The following PDE11A variants were observed in gnomAD, a reference collection of about 807,000 sequenced individuals.
PDE11A encodes the protein phosphodiesterase 11A.
PDE11A carries 100 observed loss-of-function variants against 100.5 expected under a neutral mutation model. The ratio of observed to expected loss-of-function variants is 1.00; its 90% CI spans 0.85 to 1.18. The LOEUF is 1.18. PDE11A is among the 50% of genes most tolerant of loss of function. PDE11A has a pLI of 0.00. For missense variants in PDE11A, 1,141 were observed against 1,152.6 expected, an observed-to-expected ratio of 0.99 and a Z score of 0.15; for synonymous variants, 381 against 420.8, an observed-to-expected ratio of 0.91 and a Z score of 1.16.
At position 178,071,623 on chromosome 2, in the gene PDE11A, G is replaced by A. The variant is rs1160170535; in HGVS notation, c.815C>T (p.Thr272Ile). ...GACCTGCACCTCATTTGAGTTCTCT[G>A]TGCTGCTGCAAGGCAGCAGAGGTGT... is the stretch of plus-strand genomic sequence containing the variant. ...AGTPLLPCSSTENSNEVQVPW... is the reference protein window; with the variant it reads ...AGTPLLPCSSIENSNEVQVPW... Residue 272 changes from threonine to isoleucine, a missense_variant, in exon 1 of 20, where the codon ACA becomes ATA. Coordinates refer to ENST00000286063, the MANE Select transcript of PDE11A (RefSeq NM_016953.4). 2.6e-5 allele frequency: 42 copies of A among 1,612,948 alleles called. No individual in the cohort carries two copies. Among genetic ancestry groups the A allele is most frequent in the Non-Finnish European group, 3.5e-5 (41 of 1,179,084 alleles).
chr2:177,642,572 A>G (rs960230503), intron 19 of PDE11A, among the ~76,000 whole-genome samples: 1 of 152,196 alleles, frequency 6.6e-6, no homozygotes, highest in Admixed American at 6.5e-5. Context: ...CCTACCCAAT[A>G]CACGTTTTAA....
In PDE11A at chr2:178,014,325, G is replaced by A; in HGVS notation, c.1048C>T (p.Pro350Ser). The change falls in exon 2 of 20, where the codon CCA (proline) becomes TCA (serine). Residue 350 changes from proline to serine, a missense_variant. By Grantham distance (74) the Pro-to-Ser change is moderately conservative. Transcript: ENST00000286063. The part of the protein sequence containing the change: ...QAINKIPEGA[P>S]FTEDDEKVMQ... ...ACTTTTTCATCATCTTCAGTAAATGGAGCTCCTTCAGGAATCTTATTTATC... is the reference window on the plus strand; with the variant it reads ...ACTTTTTCATCATCTTCAGTAAATGAAGCTCCTTCAGGAATCTTATTTATC... 6.2e-7 allele frequency: 1 copy of A among 1,613,100 alleles called. No individual in the cohort carries two copies. Among genetic ancestry groups the A allele is most frequent in the Non-Finnish European group, 8.5e-7 (1 of 1,179,196 alleles).
intron 9 of PDE11A, among the ~76,000 whole-genome samples, chr2:177,790,213 A>G (rs2082609367): frequency 6.8e-6 from 1 of 147,838 alleles, no homozygotes. Context: ...GGAACAGAAC[A>G]GAGCCCTCAG....
At chr2:177,680,619 C>T (rs1307213288) in intron 16 of PDE11A, among the ~76,000 whole-genome samples, 2 of 152,074 alleles carry the variant, frequency 1.3e-5, no homozygotes, top group East Asian at 1.9e-4. Context: ...ATTTTGATGG[C>T]AGATTTTTGA....
chr2:177,920,986 C>T lies in PDE11A; in HGVS notation c.1072-15799G>A, dbSNP rs923285526. On this transcript the variant is annotated intron_variant, in intron 2 of 19. Transcript: ENST00000286063. ...CTGAGGCAGGAGAATGGTGTGAACC[C>T]GGGAGGCAGAGCTTGCAGTGAGCCA... Among the ~76,000 whole-genome samples, 9 of 150,660 alleles carry T rather than the reference C, an allele frequency of 6.0e-5. No homozygotes were observed. In the East Asian group the frequency reaches 1.2e-3, roughly 20 times the overall value.
chr2:177,835,473 C>G (rs1459574404), intron 6 of PDE11A, among the ~76,000 whole-genome samples: 1 of 152,242 alleles, frequency 6.6e-6, no homozygotes, highest in Non-Finnish European at 1.5e-5. Flanking sequence ...AGACCTTAAA[C>G]TGCTTGGTCT....
intron 2 of PDE11A, among the ~76,000 whole-genome samples, chr2:177,951,163 T>C: frequency 6.6e-6 from 1 of 152,128 alleles, no homozygotes; most frequent in African/African-American, 2.4e-5. Flanking sequence ...TGAACAGAAA[T>C]AAAATGAGAA....
intron 6 of PDE11A, among the ~76,000 whole-genome samples, chr2:177,825,668 C>G (rs575018296): frequency 6.6e-6 from 1 of 152,186 alleles, no homozygotes; most frequent in Non-Finnish European, 1.5e-5. Context: ...GAGTAATAAG[C>G]AAGTATGAAG....
chr2:177,852,750 C>T (rs1473234326), intron 5 of PDE11A, among the ~76,000 whole-genome samples: 2 of 152,216 alleles, frequency 1.3e-5, no homozygotes, highest in East Asian at 3.9e-4. Flanking sequence ...GTGTAATTAA[C>T]AAGCAGAGCC....
At chr2:177,960,754 T>C (rs1399958312) in intron 2 of PDE11A, among the ~76,000 whole-genome samples, 9 of 152,122 alleles carry the variant, frequency 5.9e-5, no homozygotes, top group African/African-American at 2.2e-4. Flanking sequence ...TTAGAGAAAA[T>C]AGGTCTGCCC....
intron 5 of PDE11A, among the ~76,000 whole-genome samples, chr2:177,870,099 T>C (rs2084104815): frequency 6.6e-6 from 1 of 152,218 alleles, no homozygotes; most frequent in African/African-American, 2.4e-5. Context: ...CTGCCTTCAG[T>C]TGCATAACTT....
At chr2:177,832,146 C>G (rs900327263) in intron 6 of PDE11A, among the ~76,000 whole-genome samples, 1 of 152,068 alleles carries the variant, frequency 6.6e-6, no homozygotes, top group East Asian at 1.9e-4. Flanking sequence ...ATAGAAAAAC[C>G]CTGAAACTAG....
At chr2:177,892,398 AG>A (rs1417653987) in intron 4 of PDE11A, among the ~76,000 whole-genome samples, 3 of 152,230 alleles carry the variant, frequency 2.0e-5, no homozygotes, top group African/African-American at 7.2e-5. Context: ...ATTGAATACA[AG>A]ATAACTAATT....
chr2:177,718,854 C>T (rs1386326753), intron 12 of PDE11A, among the ~76,000 whole-genome samples: 1 of 152,178 alleles, frequency 6.6e-6, no homozygotes, highest in East Asian at 1.9e-4. Flanking sequence ...ACTGTCCCAG[C>T]TTGAAATGAA....
At chr2:178,031,746 T>C (rs1293176853) in intron 1 of PDE11A, among the ~76,000 whole-genome samples, 1 of 152,132 alleles carries the variant, frequency 6.6e-6, no homozygotes, top group Admixed American at 6.5e-5. Flanking sequence ...AACTGACCTA[T>C]AACTTCAGTG....
intron 15 of PDE11A, among the ~76,000 whole-genome samples, chr2:177,688,750 TA>T (rs1266469673): frequency 3.9e-5 from 6 of 152,210 alleles, no homozygotes; most frequent in Admixed American, 3.9e-4. Context: ...TAGCAGTCTT[TA>T]AAAAAGCATC....
Position 177,667,213 on chromosome 2 carries a change from T to G in PDE11A, c.2562+2280A>C, listed in dbSNP as rs149916748. ...AAAGGCGTGAGCCACCACTCCTGGCTGTTCAATTTAATTTTAATGAAGCTC... is the reference window on the plus strand; with the variant it reads ...AAAGGCGTGAGCCACCACTCCTGGCGGTTCAATTTAATTTTAATGAAGCTC... On this transcript the variant is annotated intron_variant, in intron 18 of 19. Coordinates refer to ENST00000286063, the MANE Select transcript of PDE11A (RefSeq NM_016953.4). 6.9e-4 allele frequency among the ~76,000 whole-genome samples: 105 copies of G among 152,212 alleles called. 1 individual carries two copies. Among genetic ancestry groups the G allele is most frequent in the East Asian group, 6.4e-3 (33 of 5,174 alleles).
chr2:177,734,581 T>G (rs1180321253), intron 10 of PDE11A, among the ~76,000 whole-genome samples: 1 of 152,202 alleles, frequency 6.6e-6, no homozygotes, highest in Non-Finnish European at 1.5e-5. Context: ...TGCCTTGTAG[T>G]TGCCTAGAAC....
rs866979975 is a variant in PDE11A at position 178,015,124 on chromosome 2, C to T, written c.913-664G>A. 7.2e-5 allele frequency among the ~76,000 whole-genome samples: 11 copies of T among 152,198 alleles called. No individual in the cohort carries two copies. The Middle Eastern group carries it at 0.024, about 329-fold the overall frequency. On this transcript the variant is annotated intron_variant, in intron 1 of 19. Transcript: ENST00000286063. ...AGTATAGTCACACAGTCTCAAAGTGCCACACCCAAAGATTCCTTATTACAA... is the reference window on the plus strand; with the variant it reads ...AGTATAGTCACACAGTCTCAAAGTGTCACACCCAAAGATTCCTTATTACAA...
Sources: gnomAD v4.1 joint callset for allele counts (sites outside exome capture counted in the v4.1 genomes callset) on GRCh38, gnomAD v4.1.1 for gene constraint, MANE v1.5 for transcripts, NCBI Gene and HGNC (gene_info 2026-07-23, HGNC 2026-07-21) for gene names.